Variants in MICAL3 observed in about 807,000 individuals in gnomAD.
The protein encoded by MICAL3 is [F-actin]-monooxygenase MICAL3.
A neutral mutation model predicts 207.4 loss-of-function variants in MICAL3; 62 were observed. The ratio of observed to expected loss-of-function variants is 0.30; its 90% CI spans 0.24 to 0.37. MICAL3 has a LOEUF of 0.37. Among genes scored for constraint, MICAL3 ranks in the 10% least tolerant of loss-of-function variants. The pLI is 1.00. For synonymous variants in MICAL3, 1,077 were observed against 1,069.3 expected, an observed-to-expected ratio of 1.01 and a Z score of -0.14; for missense variants, 2,368 against 2,635.6, an observed-to-expected ratio of 0.90 and a Z score of 2.22.
chr22:17,875,418 G>T (rs1398157694), intron 16 of MICAL3: 4 of 1,396,830 alleles, frequency 2.9e-6, no homozygotes, highest in Non-Finnish European at 2.9e-6. Context: ...GCGGAGGGCA[G>T]AGTTTTAGTG....
intron 1 of MICAL3, chr22:18,001,288 C>T (rs1275346980): frequency 6.6e-6 from 1 of 152,082 alleles, no homozygotes; most frequent in Non-Finnish European, 1.5e-5. Flanking sequence ...CAGAACCGCC[C>T]GCCGGAACCA....
intron 25 of MICAL3, among the ~76,000 whole-genome samples, chr22:17,819,716 G>T (rs1214055001): frequency 2.0e-5 from 3 of 152,000 alleles, no homozygotes; most frequent in Non-Finnish European, 2.9e-5. Context: ...GAAGTGGGCA[G>T]ATCACGAGGT....
At chr22:17,958,450 T>C (rs1212654605) in intron 1 of MICAL3, among the ~76,000 whole-genome samples, 3 of 152,228 alleles carry the variant, frequency 2.0e-5, no homozygotes, top group South Asian at 2.1e-4. Flanking sequence ...CCTGCTAAGG[T>C]GTCTCCTGCA....
intron 1 of MICAL3, among the ~76,000 whole-genome samples, chr22:18,013,838 T>C (rs1162411250): frequency 6.6e-6 from 1 of 152,176 alleles, no homozygotes; most frequent in Non-Finnish European, 1.5e-5. Context: ...TCTTGCTATG[T>C]TGCCCAGGCT....
At chr22:17,903,769 G>C (rs577377837) in intron 3 of MICAL3, among the ~76,000 whole-genome samples, 28 of 152,370 alleles carry the variant, frequency 1.8e-4, no homozygotes, top group African/African-American at 6.7e-4. Flanking sequence ...CTGCCAGCCA[G>C]CGTCTGATAA....
chr22:17,930,465 C>G (rs1319485242), intron 1 of MICAL3, among the ~76,000 whole-genome samples: 1 of 152,230 alleles, frequency 6.6e-6, no homozygotes, highest in Non-Finnish European at 1.5e-5. Flanking sequence ...GAATACCACA[C>G]AGCAGGAAAG....
In MICAL3 at chr22:17,835,063, C is replaced by T. The variant is rs1006630982; in HGVS notation, c.2802-2956G>A. ...GGCCTGTCCTCACCCTGCGCCATGT[C>T]GTGAGGATAGCTGCACAGGCACAAT... is the stretch of plus-strand genomic sequence containing the variant. On this transcript the variant is annotated intron_variant, in intron 20 of 31. Transcript: ENST00000441493. 1.4e-4 allele frequency among the ~76,000 whole-genome samples: 22 copies of T among 152,164 alleles called. No homozygotes were observed. In the East Asian group the frequency reaches 3.7e-3, roughly 25 times the overall value.
At chr22:17,795,704 G>A (rs965347590) in intron 29 of MICAL3, among the ~76,000 whole-genome samples, 22 of 152,366 alleles carry the variant, frequency 1.4e-4, no homozygotes, top group Non-Finnish European at 2.4e-4. Flanking sequence ...AGCGGCCGGC[G>A]AGTCCGAGCT....
chr22:17,857,493 C>T (rs1028425698), intron 19 of MICAL3, among the ~76,000 whole-genome samples: 10 of 152,224 alleles, frequency 6.6e-5, no homozygotes, highest in African/African-American at 2.2e-4. Flanking sequence ...ACACGGCCTG[C>T]GGCGTGGCTC....
At chr22:17,846,691 C>T (rs1381706734) in intron 19 of MICAL3, among the ~76,000 whole-genome samples, 1 of 152,238 alleles carries the variant, frequency 6.6e-6, no homozygotes, top group Non-Finnish European at 1.5e-5. Context: ...CCCTACCTCC[C>T]GCCCTCTACT....
At chr22:17,949,684 G>A (rs922369070) in intron 1 of MICAL3, among the ~76,000 whole-genome samples, 3 of 152,168 alleles carry the variant, frequency 2.0e-5, no homozygotes, top group Non-Finnish European at 2.9e-5. Context: ...CTCAAATACC[G>A]TAGTGCCTGC....
intron 17 of MICAL3, among the ~76,000 whole-genome samples, chr22:17,870,095 G>A (rs1352339097): frequency 2.0e-5 from 3 of 152,184 alleles, no homozygotes; most frequent in Admixed American, 2.0e-4. Context: ...CTAAGCTGAT[G>A]AAAATTTTAT....
chr22:17,808,832 G>GCCCGGCAGTACCTGCTTCGC lies in MICAL3; in HGVS notation c.5642_5650+11dup, dbSNP rs2062014193. On this transcript the variant is annotated intron_variant, in intron 29 of 31. Coordinates refer to ENST00000441493, the MANE Select transcript of MICAL3 (RefSeq NM_015241.3). Reference sequence around the variant, plus strand: ...CTCCAGGAGCAGAGCTTAGGAGGGAGCCCGGCAGTACCTGCTTCGCCCCGG... The same window carrying GCCCGGCAGTACCTGCTTCGC: ...CTCCAGGAGCAGAGCTTAGGAGGGAGCCCGGCAGTACCTGCTTCGCCCCGGCAGTACCTGCTTCGCCCCGG... The GCCCGGCAGTACCTGCTTCGC allele has an allele frequency of 6.4e-7, 1 of 1,550,634 alleles. No homozygotes were observed. Among genetic ancestry groups the GCCCGGCAGTACCTGCTTCGC allele is most frequent in the African/African-American group, 1.4e-5 (1 of 73,064 alleles).
Position 17,793,186 on chromosome 22 carries a change from G to A in MICAL3, c.5651-1885C>T, listed in dbSNP as rs1228799137. Among the ~76,000 whole-genome samples, 1 of 152,192 alleles carries A rather than the reference G, an allele frequency of 6.6e-6. No homozygotes were observed. Among genetic ancestry groups the A allele is most frequent in the Admixed American group, 6.5e-5 (1 of 15,278 alleles). Reference sequence around the variant, plus strand: ...GTAAGAGTTAGCAGGGTTAGTCACGGCCACACCCCCCACATGCCTTTCAAC... The same window carrying A: ...GTAAGAGTTAGCAGGGTTAGTCACGACCACACCCCCCACATGCCTTTCAAC... On this transcript the variant is annotated intron_variant, in intron 29 of 31. Coordinates refer to ENST00000441493, the MANE Select transcript of MICAL3 (RefSeq NM_015241.3). The surrounding 1 kb of genome is among the most constrained non-coding windows in gnomAD (Gnocchi z 4.1).
chr22:17,925,665 T>G (rs1312999602), intron 1 of MICAL3, among the ~76,000 whole-genome samples: 1 of 152,144 alleles, frequency 6.6e-6, no homozygotes. Context: ...TTAAACAATT[T>G]TTTTTTAAGT....
chr22:17,882,462 T>G (rs1929530013), intron 16 of MICAL3, among the ~76,000 whole-genome samples: 2 of 152,166 alleles, frequency 1.3e-5, no homozygotes, highest in Admixed American at 1.3e-4. Flanking sequence ...ATGGGAGGCA[T>G]CAGACACAGG....
chr22:17,886,194 C>T (rs941119526), intron 15 of MICAL3, 143 bp from the exon 16 acceptor site: 1 of 843,786 alleles, frequency 1.2e-6, no homozygotes, highest in Non-Finnish European at 1.9e-6. Flanking sequence ...CACACAGAGA[C>T]AGCAAGCCTG....
chr22:17,796,773 C>T lies in MICAL3; in HGVS notation c.5651-5472G>A, dbSNP rs978062987. ...TCTGTGCCTGGGGAGACAGTGAAGG[C>T]AGGACCTGAATCCAGGCCTGGCCTT... is the stretch of plus-strand genomic sequence containing the variant. On this transcript the variant is annotated intron_variant, in intron 29 of 31. Coordinates refer to ENST00000441493, the MANE Select transcript of MICAL3 (RefSeq NM_015241.3). The surrounding 1 kb of genome is among the most constrained non-coding windows in gnomAD (Gnocchi z 4.4). 1.1e-4 allele frequency among the ~76,000 whole-genome samples: 16 copies of T among 152,168 alleles called. No individual in the cohort carries two copies. The highest frequency in any genetic ancestry group is 3.4e-4 in the African/African-American group (14 of 41,420).
chr22:17,963,809 T>C (rs1054924814), intron 1 of MICAL3, among the ~76,000 whole-genome samples: 1 of 152,208 alleles, frequency 6.6e-6, no homozygotes, highest in Non-Finnish European at 1.5e-5. Flanking sequence ...GATCATTGCC[T>C]TGCAAGGTAA....
Sources: gnomAD v4.1 joint callset for allele counts (sites outside exome capture counted in the v4.1 genomes callset) on GRCh38, gnomAD v4.1.1 for gene constraint, Gnocchi (gnomAD v3.1) non-coding constraint, MANE v1.5 for transcripts, NCBI Gene and HGNC (gene_info 2026-07-23, HGNC 2026-07-21) for gene names.